The following HVCN1 variants were observed in gnomAD, a reference collection of about 807,000 sequenced individuals.
The protein encoded by HVCN1 is hydrogen voltage gated channel 1.
HVCN1 carries 14 observed loss-of-function variants against 29.2 expected under a neutral mutation model. That is an observed-to-expected ratio of 0.48 (90% CI 0.32 to 0.75). HVCN1 has a LOEUF of 0.75. Among genes scored for constraint, HVCN1 ranks in the 30% least tolerant of loss-of-function variants. The pLI, the probability that HVCN1 is intolerant of heterozygous loss-of-function variation, is 0.04. For missense variants in HVCN1, 263 were observed against 341.8 expected, an observed-to-expected ratio of 0.77 and a Z score of 1.82; for synonymous variants, 131 against 133.2, an observed-to-expected ratio of 0.98 and a Z score of 0.11.
intron 3 of HVCN1, among the ~76,000 whole-genome samples, chr12:110,668,925 C>T (rs926934415): frequency 1.7e-4 from 26 of 152,150 alleles, no homozygotes; most frequent in Non-Finnish European, 1.6e-4. Context: ...TCCTCAGCTT[C>T]CTGTACCATG....
At chr12:110,696,455 C>A (rs944535574) in intron 2 of HVCN1, among the ~76,000 whole-genome samples, 1 of 151,914 alleles carries the variant, frequency 6.6e-6, no homozygotes, top group African/African-American at 2.4e-5. Context: ...TGGCATGCAC[C>A]TGGAATCCCA....
intron 2 of HVCN1, among the ~76,000 whole-genome samples, chr12:110,700,846 T>A (rs1475437432): frequency 6.6e-6 from 1 of 152,248 alleles, no homozygotes; most frequent in Admixed American, 6.5e-5. Context: ...CTTGCCCTTC[T>A]TCTGGTACCA....
rs139582861 is a variant in HVCN1 at position 110,652,874 on chromosome 12, G to A, written c.412-1426C>T. On this transcript the variant is annotated intron_variant, in intron 5 of 7. Coordinates refer to ENST00000242607, the MANE Select transcript of HVCN1 (RefSeq NM_032369.4). ...CAGGCAGATCATTTACCACTGCAAC[G>A]GGAAAAATGCCCCTGGCCAGTGGAG... 8.2e-4 allele frequency among the ~76,000 whole-genome samples: 125 copies of A among 152,286 alleles called. 1 individual carries two copies. Among genetic ancestry groups the A allele is most frequent in the African/African-American group, 2.9e-3 (120 of 41,560 alleles).
At chr12:110,670,382 T>C (rs961538536) in intron 3 of HVCN1, among the ~76,000 whole-genome samples, 4 of 152,198 alleles carry the variant, frequency 2.6e-5, no homozygotes, top group Non-Finnish European at 5.9e-5. Context: ...CCCAGAGCTA[T>C]TTTGGGGGAC....
intron 3 of HVCN1, among the ~76,000 whole-genome samples, chr12:110,662,214 G>A (rs1287652791): frequency 1.3e-5 from 2 of 151,268 alleles, no homozygotes; most frequent in Non-Finnish European, 2.9e-5. Context: ...GAGAGGCTGG[G>A]ACACCTGGCT....
At chr12:110,667,598 T>G (rs938942508) in intron 3 of HVCN1, among the ~76,000 whole-genome samples, 3 of 151,616 alleles carry the variant, frequency 2.0e-5, no homozygotes, top group South Asian at 2.1e-4. Flanking sequence ...CTCAGCTAAT[T>G]TTTTGTATTT....
intron 2 of HVCN1, among the ~76,000 whole-genome samples, chr12:110,683,814 G>A (rs1442772819): frequency 6.6e-6 from 1 of 151,420 alleles, no homozygotes; most frequent in Non-Finnish European, 1.5e-5. Flanking sequence ...CGGAGGCTGA[G>A]GCAGGAGAAT....
rs369002882 is a variant in HVCN1 at position 110,685,295 on chromosome 12, T to C, written c.-19-2031A>G. Among the ~76,000 whole-genome samples the C allele has an allele frequency of 3.9e-5, 6 of 152,144 alleles. No homozygotes were observed. In the East Asian group the frequency reaches 9.6e-4, roughly 24 times the overall value. ...GGATGGGGCCTCAATCCAAGGCATG[T>C]GGGCCCCTCTAGAAGTTGGGAAGGC... is the stretch of plus-strand genomic sequence containing the variant. On this transcript the variant is annotated intron_variant, in intron 2 of 7. Transcript: ENST00000242607.
At chr12:110,684,233 A>G (rs1287942206) in intron 2 of HVCN1, among the ~76,000 whole-genome samples, 2 of 152,208 alleles carry the variant, frequency 1.3e-5, no homozygotes. Context: ...ATATATTATT[A>G]ATTTTAATAC....
intron 3 of HVCN1, among the ~76,000 whole-genome samples, chr12:110,669,251 T>C (rs992435448): frequency 3.3e-4 from 50 of 151,988 alleles, no homozygotes; most frequent in African/African-American, 1.2e-3. Flanking sequence ...CCCATCGGTT[T>C]CACTTCCTGA....
At chr12:110,651,994 C>G (rs1432750896) in intron 5 of HVCN1, among the ~76,000 whole-genome samples, 1 of 152,300 alleles carries the variant, frequency 6.6e-6, no homozygotes, top group East Asian at 1.9e-4. Flanking sequence ...ATAGCAAGAC[C>G]CCATCTCTAA....
intron 1 of HVCN1, chr12:110,704,870 C>T (rs1293409506): frequency 1.3e-5 from 2 of 152,264 alleles, no homozygotes; most frequent in Non-Finnish European, 2.9e-5. Context: ...ACTGAGCTCA[C>T]TTGCCTCTTT....
At chr12:110,669,549 A>T (rs2068498953) in intron 3 of HVCN1, among the ~76,000 whole-genome samples, 3 of 152,106 alleles carry the variant, frequency 2.0e-5, no homozygotes, top group Non-Finnish European at 2.9e-5. Context: ...TCTTGCTTCC[A>T]GGACTCCGCA....
chr12:110,678,357 A>T (rs181752581), intron 3 of HVCN1, among the ~76,000 whole-genome samples: 94 of 151,452 alleles, frequency 6.2e-4, no homozygotes, highest in African/African-American at 2.0e-3. Flanking sequence ...ATCTCAGTAC[A>T]CACTGACTTG....
intron 4 of HVCN1, among the ~76,000 whole-genome samples, chr12:110,656,158 C>T (rs945459762): frequency 5.9e-5 from 9 of 152,218 alleles, no homozygotes; most frequent in Non-Finnish European, 1.3e-4. Flanking sequence ...GCTACAGGGA[C>T]GGCTGCTGTG....
chr12:110,704,088 A>T (rs2069585892), intron 1 of HVCN1, among the ~76,000 whole-genome samples: 1 of 152,192 alleles, frequency 6.6e-6, no homozygotes, highest in Non-Finnish European at 1.5e-5. Flanking sequence ...TCCAACAGAG[A>T]TCACCTAAGT....
At position 110,654,807 on chromosome 12, in the gene HVCN1, C is replaced by T. The variant is rs369477410; in HGVS notation, c.411+427G>A. Among the ~76,000 whole-genome samples the T allele has an allele frequency of 3.6e-4, 55 of 152,242 alleles. No homozygotes were observed. In the East Asian group the frequency reaches 9.1e-3, roughly 25 times the overall value. On this transcript the variant is annotated intron_variant, in intron 5 of 7. Transcript: ENST00000242607. ...GGATGATTTTAACTCTCTTGATCTCCGCCCTTGGAACTGAGACAGGGTATG... is the reference window on the plus strand; with the variant it reads ...GGATGATTTTAACTCTCTTGATCTCTGCCCTTGGAACTGAGACAGGGTATG...
chr12:110,664,789 C>T (rs1162446764), intron 3 of HVCN1, among the ~76,000 whole-genome samples: 1 of 152,080 alleles, frequency 6.6e-6, no homozygotes. Context: ...TGGACTTTGG[C>T]TGAGTCCTAA....
At chr12:110,660,710 T>C (rs1235003072) in intron 4 of HVCN1, among the ~76,000 whole-genome samples, 7 of 152,214 alleles carry the variant, frequency 4.6e-5, no homozygotes, top group Non-Finnish European at 1.0e-4. Context: ...CACTCCCACC[T>C]GTGGCAGCCG....
Sources: gnomAD v4.1 joint callset for allele counts (sites outside exome capture counted in the v4.1 genomes callset) on GRCh38, gnomAD v4.1.1 for gene constraint, MANE v1.5 for transcripts, NCBI Gene and HGNC (gene_info 2026-07-23, HGNC 2026-07-21) for gene names.